Variants in LRP1B observed in about 807,000 individuals in gnomAD.
The protein encoded by LRP1B is LDL receptor related protein 1B, also known as low-density lipoprotein receptor-related protein 1B.
LRP1B carries 217 observed loss-of-function variants against 556.6 expected under a neutral mutation model. That is an observed-to-expected ratio of 0.39 (90% CI 0.35 to 0.44). LRP1B has a LOEUF of 0.44. LRP1B is among the 20% of genes least tolerant of loss of function. LRP1B has a pLI of 1.00. For missense variants in LRP1B, 5,053 were observed against 5,620.8 expected, an observed-to-expected ratio of 0.90 and a Z score of 3.23; for synonymous variants, 2,047 against 1,865.8, an observed-to-expected ratio of 1.10 and a Z score of -2.50.
At chr2:142,112,055 G>T (rs780780740) in intron 1 of LRP1B, among the ~76,000 whole-genome samples, 1 of 151,998 alleles carries the variant, frequency 6.6e-6, no homozygotes, top group African/African-American at 2.4e-5. Flanking sequence ...ACATCAAGGT[G>T]CCTTTCCATC....
At chr2:140,387,088 A>G (rs1328542933) in intron 66 of LRP1B, among the ~76,000 whole-genome samples, 1 of 152,204 alleles carries the variant, frequency 6.6e-6, no homozygotes, top group Non-Finnish European at 1.5e-5. Flanking sequence ...ATAAGCCTTA[A>G]TACAATACAC....
chr2:141,682,396 T>C (rs796627047), intron 2 of LRP1B, among the ~76,000 whole-genome samples: 6 of 152,026 alleles, frequency 3.9e-5, no homozygotes, highest in African/African-American at 1.4e-4. Context: ...GTTTTATAAT[T>C]ACCCCATTAA....
intron 41 of LRP1B, among the ~76,000 whole-genome samples, chr2:140,664,151 A>T (rs1685188974): frequency 6.6e-6 from 1 of 152,236 alleles, no homozygotes; most frequent in South Asian, 2.1e-4. Flanking sequence ...CACTGATTGC[A>T]AATTACCATA....
chr2:140,890,967 T>G (rs145024814), intron 23 of LRP1B, among the ~76,000 whole-genome samples: 1,599 of 152,216 alleles, frequency 0.011, 21 homozygotes, highest in African/African-American at 0.032. Context: ...ATATGTGAAG[T>G]AGCCATCCAT....
At position 141,884,516 on chromosome 2, in the gene LRP1B, G is replaced by A. The variant is rs183801449; in HGVS notation, c.83-74115C>T. On this transcript the variant is annotated intron_variant, in intron 1 of 90. Transcript: ENST00000389484. ...TATGTGCTACAGTGACATTGTAATC[G>A]CCTTGCCACATTGTAATTTTATTAT... Among the ~76,000 whole-genome samples, 20 of 152,214 alleles carry A rather than the reference G, an allele frequency of 1.3e-4. No homozygotes were observed. The East Asian group carries it at 1.7e-3, about 13-fold the overall frequency.
chr2:141,524,623 G>T (rs556127412), intron 2 of LRP1B, among the ~76,000 whole-genome samples: 1 of 152,146 alleles, frequency 6.6e-6, no homozygotes, highest in East Asian at 1.9e-4. Flanking sequence ...TGTGGCCCAA[G>T]ATAATTCTTC....
Position 140,754,268 on chromosome 2 carries a change from G to A in LRP1B, c.5758+14945C>T, listed in dbSNP as rs138213697. 2.6e-5 allele frequency among the ~76,000 whole-genome samples: 4 copies of A among 152,262 alleles called. No homozygotes were observed. The East Asian group carries it at 7.7e-4, about 29-fold the overall frequency. On this transcript the variant is annotated intron_variant, in intron 35 of 90. Transcript: ENST00000389484. ...AAATGGTAGGTTCACTAACTTGTCC[G>A]AGAAAACTGTGGAAAAAGACAGCAA...
At chr2:140,989,175 TA>T (rs796627204) in intron 17 of LRP1B, among the ~76,000 whole-genome samples, 33 of 149,644 alleles carry the variant, frequency 2.2e-4, no homozygotes, top group Non-Finnish European at 2.7e-4. Flanking sequence ...TTCTCAAGGT[TA>T]AAAAAAAAAT....
At chr2:141,263,902 C>T (rs1684792993) in intron 3 of LRP1B, among the ~76,000 whole-genome samples, 1 of 151,908 alleles carries the variant, frequency 6.6e-6, no homozygotes. Flanking sequence ...CAATAGATGC[C>T]CAAAAAGCGT....
chr2:141,037,113 A>G (rs911685069), intron 11 of LRP1B, among the ~76,000 whole-genome samples: 3 of 151,808 alleles, frequency 2.0e-5, no homozygotes, highest in African/African-American at 7.3e-5. Context: ...GTGGAGAGAG[A>G]CCTTCCAGTA....
intron 7 of LRP1B, among the ~76,000 whole-genome samples, chr2:141,114,260 C>T (rs191529246): frequency 2.6e-4 from 40 of 152,298 alleles, no homozygotes; most frequent in Admixed American, 9.2e-4. Context: ...CAGTTGCCTC[C>T]GTGGACAGCT....
Position 141,123,247 on chromosome 2 carries a change from AAAATAAAT to A in LRP1B, c.1014-60982_1014-60975del, listed in dbSNP as rs979245120. 2.1e-5 allele frequency among the ~76,000 whole-genome samples: 3 copies of A among 140,616 alleles called. No individual in the cohort carries two copies. The Admixed American group carries it at 2.2e-4, about 10-fold the overall frequency. 92.2% of individuals were successfully genotyped at this position (140,616 alleles called of 152,430 possible). On this transcript the variant is annotated intron_variant, in intron 7 of 90. Transcript: ENST00000389484. ...CCTAGAACTTAAAGTATAATAAAAA[AAAATAAAT>A]AAATAAATAAAAAAAAGAAAGTAAA...
intron 32 of LRP1B, among the ~76,000 whole-genome samples, chr2:140,789,351 T>G (rs16844695): frequency 0.021 from 3,186 of 152,206 alleles, 113 homozygotes; most frequent in African/African-American, 0.071. Flanking sequence ...GTCCAAGCTA[T>G]CATAGTCTCT....
At chr2:140,999,833 G>T (rs1242486628) in intron 15 of LRP1B, among the ~76,000 whole-genome samples, 1 of 151,986 alleles carries the variant, frequency 6.6e-6, no homozygotes, top group Non-Finnish European at 1.5e-5. Context: ...AAAAAGGAGG[G>T]AATGGTAGTC....
chr2:140,649,705 G>A (rs1213575155), intron 41 of LRP1B, among the ~76,000 whole-genome samples: 2 of 152,152 alleles, frequency 1.3e-5, no homozygotes, highest in Non-Finnish European at 2.9e-5. Context: ...AATCACATTG[G>A]TTCCTCCTCA....
intron 41 of LRP1B, among the ~76,000 whole-genome samples, chr2:140,641,965 C>G (rs1023398556): frequency 3.3e-5 from 5 of 152,108 alleles, no homozygotes; most frequent in African/African-American, 1.2e-4. Context: ...TGTATCAGAA[C>G]AATAGAATTG....
chr2:140,748,567 A>C (rs1688428832), intron 35 of LRP1B, among the ~76,000 whole-genome samples: 1 of 101,522 alleles, frequency 9.9e-6, no homozygotes, highest in African/African-American at 3.6e-5. Context: ...TATGTTGTTA[A>C]ACATAGTTAT....
chr2:140,868,094 T>C lies in LRP1B; in HGVS notation c.4334+5A>G. The C allele has an allele frequency of 1.3e-6, 2 of 1,574,256 alleles. No homozygotes were observed. Among genetic ancestry groups the C allele is most frequent in the Non-Finnish European group, 8.6e-7 (1 of 1,168,462 alleles). On this transcript the variant is annotated splice_donor_5th_base_variant and intron_variant, in intron 26 of 90. Transcript: ENST00000389484. ...AAAATACAGAAAAGAGATGATTTTT[T>C]AAACCTGGCGTCTGTCCACACTATC... is the stretch of plus-strand genomic sequence containing the variant.
At chr2:140,601,746 C>T (rs1488099589) in intron 41 of LRP1B, 107 bp from the exon 42 acceptor site, 6 of 602,474 alleles carry the variant, frequency 1.0e-5, no homozygotes, top group Non-Finnish European at 1.5e-5. Flanking sequence ...ATTTCATCAA[C>T]CATTTCTCCA....
Sources: gnomAD v4.1 joint callset for allele counts (sites outside exome capture counted in the v4.1 genomes callset) on GRCh38, gnomAD v4.1.1 for gene constraint, MANE v1.5 for transcripts, NCBI Gene and HGNC (gene_info 2026-07-23, HGNC 2026-07-21) for gene names.